The following LRP8 variants were observed in gnomAD, a reference collection of about 807,000 sequenced individuals.
LRP8 encodes the protein LDL receptor related protein 8.
In LRP8, 46 loss-of-function variants were observed where a neutral mutation model predicts 111.6. That is an observed-to-expected ratio of 0.41 (90% CI 0.33 to 0.53). The LOEUF (loss-of-function observed/expected upper bound fraction) is 0.53, where lower values mean the gene tolerates loss of function less well. LRP8 is among the 20% of genes least tolerant of loss of function. The pLI, the probability that LRP8 is intolerant of heterozygous loss-of-function variation, is 0.20. For missense variants in LRP8, 959 were observed against 1,297.4 expected (o/e 0.74, Z 4.01); for synonymous variants, 464 against 511.2 (o/e 0.91, Z 1.24).
intron 16 of LRP8, among the ~76,000 whole-genome samples, chr1:53,254,458 C>G (rs886859398): frequency 2.0e-5 from 3 of 152,002 alleles, no homozygotes; most frequent in African/African-American, 7.3e-5. Flanking sequence ...TCCCCCTCCC[C>G]CAGCCCAAGT....
intron 2 of LRP8, among the ~76,000 whole-genome samples, chr1:53,325,962 T>TC (rs1475176435): frequency 6.6e-6 from 1 of 152,068 alleles, no homozygotes; most frequent in Admixed American, 6.5e-5. Context: ...TAGCTCCCGG[T>TC]CCCGCAGACA....
chr1:53,316,378 G>T (rs957591038), intron 2 of LRP8, among the ~76,000 whole-genome samples: 1 of 152,182 alleles, frequency 6.6e-6, no homozygotes, highest in African/African-American at 2.4e-5. Flanking sequence ...TGCTCTCACT[G>T]GCTCATAGGT....
intron 4 of LRP8, among the ~76,000 whole-genome samples, chr1:53,278,300 G>A (rs989341181): frequency 2.6e-5 from 4 of 152,096 alleles, no homozygotes; most frequent in East Asian, 1.9e-4. Flanking sequence ...CCTCCTGTGC[G>A]TCCACACACA....
chr1:53,323,201 C>T (rs777368253), intron 2 of LRP8, among the ~76,000 whole-genome samples: 2 of 151,954 alleles, frequency 1.3e-5, no homozygotes, highest in Non-Finnish European at 2.9e-5. Flanking sequence ...GCTGGTCACC[C>T]GCATTCACAC....
chr1:53,282,289 T>TC (rs1647139555), intron 3 of LRP8, among the ~76,000 whole-genome samples: 1 of 152,204 alleles, frequency 6.6e-6, no homozygotes, highest in South Asian at 2.1e-4. Flanking sequence ...TACAGGGCAA[T>TC]CCCTTGGGAA....
chr1:53,303,938 T>G lies in LRP8; in HGVS notation c.245-14249A>C, dbSNP rs1651464552. On this transcript the variant is annotated intron_variant, in intron 2 of 18. Coordinates refer to ENST00000306052, the MANE Select transcript of LRP8 (RefSeq NM_004631.5). The surrounding 1 kb of genome is among the most constrained non-coding windows in gnomAD (Gnocchi z 4.3). The stretch of plus-strand genomic sequence containing the variant: ...AGATCCCCACTTTGTACAAATGGAT[T>G]TTTCACCCCTCCTTGTTCTTTGGCT... Among the ~76,000 whole-genome samples the G allele has an allele frequency of 6.6e-6, 1 of 152,074 alleles. No homozygotes were observed.
intron 2 of LRP8, among the ~76,000 whole-genome samples, chr1:53,298,676 T>A (rs1369900133): frequency 6.6e-6 from 1 of 152,056 alleles, no homozygotes; most frequent in Admixed American, 6.5e-5. Flanking sequence ...AGCCTCACAT[T>A]CCCCTTCCAC....
At chr1:53,300,080 G>A (rs1650513032) in intron 2 of LRP8, among the ~76,000 whole-genome samples, 1 of 152,202 alleles carries the variant, frequency 6.6e-6, no homozygotes. Flanking sequence ...TTGCCTGCTG[G>A]CTTCCCATCT....
rs1646892320 is a variant in LRP8, at chr1:53,275,601, G to A, written c.1006+30C>T. ...CCAGAGCCTAGGGCATCCTCACAGA[G>A]GATGTGTTCTGTGCCCTGACCACAC... On this transcript the variant is annotated intron_variant, in intron 6 of 18. Transcript: ENST00000306052. The surrounding 1 kb of genome is among the most constrained non-coding windows in gnomAD (Gnocchi z 4.4). 1 of 1,612,832 alleles carries A rather than the reference G, an allele frequency of 6.2e-7. No homozygotes were observed. The highest frequency in any genetic ancestry group is 8.5e-7 in the Non-Finnish European group (1 of 1,179,206).
In LRP8 at chr1:53,317,460, T is replaced by C. The variant is rs1653954750; in HGVS notation, c.244+9413A>G. ...GGGTGGGATGAGATGGCTCCGACAG[T>C]CCCTCCCAGCCCGAGGAGCTGCTGT... On this transcript the variant is annotated intron_variant, in intron 2 of 18. Coordinates refer to ENST00000306052, the MANE Select transcript of LRP8 (RefSeq NM_004631.5). This position sits in a 1 kb window ranked among gnomAD's most constrained non-coding sequence, Gnocchi z 4.9. 1.3e-5 allele frequency among the ~76,000 whole-genome samples: 2 copies of C among 152,132 alleles called. No individual in the cohort carries two copies. Among genetic ancestry groups the C allele is most frequent in the Admixed American group, 1.3e-4 (2 of 15,276 alleles).
chr1:53,279,051 G>A lies in LRP8; in HGVS notation c.496+1536C>T, dbSNP rs147850782. Among the ~76,000 whole-genome samples the A allele has an allele frequency of 2.2e-3, 328 of 151,846 alleles. No homozygotes were observed. The highest frequency in any genetic ancestry group is 7.7e-3 in the African/African-American group (318 of 41,374). ...TGGGATTACAGGCATGAGCCACCGC[G>A]CCCCGCCTTAATTTTTAATTTTACT... On this transcript the variant is annotated intron_variant, in intron 4 of 18. Transcript: ENST00000306052. The surrounding 1 kb of genome is among the most constrained non-coding windows in gnomAD (Gnocchi z 4.4).
chr1:53,295,899 T>C (rs576263603), intron 2 of LRP8, among the ~76,000 whole-genome samples: 1 of 152,224 alleles, frequency 6.6e-6, no homozygotes, highest in East Asian at 1.9e-4. Flanking sequence ...CTACAGATGA[T>C]TAGATGAGGT....
rs1168470964 is a variant in LRP8, at chr1:53,279,048, C to T, written c.496+1539G>A. Among the ~76,000 whole-genome samples, 9 of 152,018 alleles carry T rather than the reference C, an allele frequency of 5.9e-5. No homozygotes were observed. Among genetic ancestry groups the T allele is most frequent in the East Asian group, 1.9e-4 (1 of 5,174 alleles). ...TGCTGGGATTACAGGCATGAGCCACCGCGCCCCGCCTTAATTTTTAATTTT... is the reference window on the plus strand; with the variant it reads ...TGCTGGGATTACAGGCATGAGCCACTGCGCCCCGCCTTAATTTTTAATTTT... On this transcript the variant is annotated intron_variant, in intron 4 of 18. Coordinates refer to ENST00000306052, the MANE Select transcript of LRP8 (RefSeq NM_004631.5). The surrounding 1 kb of genome is among the most constrained non-coding windows in gnomAD (Gnocchi z 4.4).
chr1:53,300,556 T>A (rs1650618928), intron 2 of LRP8, among the ~76,000 whole-genome samples: 1 of 152,204 alleles, frequency 6.6e-6, no homozygotes, highest in Admixed American at 6.5e-5. Flanking sequence ...TGGCCGTCAG[T>A]GCTGAGATGA....
At chr1:53,308,454 C>A (rs1652403814) in intron 2 of LRP8, among the ~76,000 whole-genome samples, 1 of 152,146 alleles carries the variant, frequency 6.6e-6, no homozygotes. Context: ...CTCTCCTCTG[C>A]CTTTCCTGGG....
chr1:53,317,519 G>A lies in LRP8; in HGVS notation c.244+9354C>T, dbSNP rs1380183748. 6.6e-6 allele frequency among the ~76,000 whole-genome samples: 1 copy of A among 152,216 alleles called. No homozygotes were observed. The highest frequency in any genetic ancestry group is 1.5e-5 in the Non-Finnish European group (1 of 68,038). On this transcript the variant is annotated intron_variant, in intron 2 of 18. Transcript: ENST00000306052. This position sits in a 1 kb window ranked among gnomAD's most constrained non-coding sequence, Gnocchi z 4.9. Reference sequence around the variant, plus strand: ...GCAGCCAAGTCCTCCCAACTGGCCAGTTGACCTAAATCTCTCCTGCTGCTA... The same window carrying A: ...GCAGCCAAGTCCTCCCAACTGGCCAATTGACCTAAATCTCTCCTGCTGCTA...
intron 2 of LRP8, among the ~76,000 whole-genome samples, chr1:53,291,391 G>A (rs772382805): frequency 5.3e-5 from 8 of 152,040 alleles, no homozygotes; most frequent in Admixed American, 3.3e-4. Flanking sequence ...TAGAAGTCCC[G>A]TGGCCCCAGC....
At chr1:53,274,605 C>G in intron 6 of LRP8, 1 of 436,904 alleles carries the variant, frequency 2.3e-6, no homozygotes, top group South Asian at 1.6e-5. Context: ...CAGAAAGTGT[C>G]AGGGCAGGGG....
intron 2 of LRP8, among the ~76,000 whole-genome samples, chr1:53,297,988 TCA>T (rs1394188742): frequency 6.6e-6 from 1 of 152,162 alleles, no homozygotes; most frequent in African/African-American, 2.4e-5. Context: ...ATTCTGGGCC[TCA>T]GTTTCCTCAG....
Sources: allele counts gnomAD v4.1 joint callset (sites outside exome capture counted in the v4.1 genomes callset), GRCh38; gene constraint gnomAD v4.1.1; non-coding constraint Gnocchi (gnomAD v3.1); transcripts MANE v1.5; gene names NCBI Gene and HGNC (gene_info 2026-07-23, HGNC 2026-07-21).